Variants in VAV3 observed in about 807,000 individuals in gnomAD.
VAV3 encodes the protein vav guanine nucleotide exchange factor 3.
A neutral mutation model predicts 131.2 loss-of-function variants in VAV3; 94 were observed. The ratio of observed to expected loss-of-function variants is 0.72; its 90% CI spans 0.61 to 0.85. The LOEUF is 0.85. VAV3 is among the 40% of genes least tolerant of loss of function. The pLI, the probability that VAV3 is intolerant of heterozygous loss-of-function variation, is 0.00. For missense variants in VAV3, 939 were observed against 1,002.7 expected (o/e 0.94, Z 0.86); for synonymous variants, 349 against 342.0 (o/e 1.02, Z -0.22).
intron 1 of VAV3, among the ~76,000 whole-genome samples, chr1:107,889,057 C>T (rs1671182150): frequency 6.6e-6 from 1 of 151,888 alleles, no homozygotes; most frequent in East Asian, 1.9e-4. Flanking sequence ...TAAATTATCT[C>T]CTTATGGCCC....
At chr1:107,680,169 C>A (rs1034516711) in intron 19 of VAV3, among the ~76,000 whole-genome samples, 91 of 152,000 alleles carry the variant, frequency 6.0e-4, no homozygotes, top group African/African-American at 2.1e-3. Context: ...TATATGTTTT[C>A]AATATTGGGA....
At chr1:107,834,915 C>T (rs1017571252) in intron 2 of VAV3, among the ~76,000 whole-genome samples, 5 of 152,088 alleles carry the variant, frequency 3.3e-5, no homozygotes, top group African/African-American at 1.2e-4. Context: ...GATCCCATGA[C>T]CCCCACAGGC....
At chr1:107,960,183 C>T (rs1675016096) in intron 1 of VAV3, among the ~76,000 whole-genome samples, 1 of 152,154 alleles carries the variant, frequency 6.6e-6, no homozygotes, top group African/African-American at 2.4e-5. Flanking sequence ...AAAGGTAAAT[C>T]AGGGCTGGGC....
Position 107,645,563 on chromosome 1 carries a change from A to G in VAV3, c.1778-2808T>C, listed in dbSNP as rs1655676747. 2.0e-5 allele frequency among the ~76,000 whole-genome samples: 3 copies of G among 152,094 alleles called. 1 individual carries two copies. The highest frequency in any genetic ancestry group is 1.3e-4 in the Admixed American group (2 of 15,252). ...TGGTTGCTATCCAAAATGCCCTTTA[A>G]TATCTTTCCACTTATGAAAAAGGCA... On this transcript the variant is annotated intron_variant, in intron 19 of 26. Transcript: ENST00000370056.
rs1194882343 is a variant in VAV3, at chr1:107,748,914, A to T, written c.1502+54T>A. The T allele has an allele frequency of 3.9e-6, 5 of 1,280,086 alleles. No individual in the cohort carries two copies. In the South Asian group the frequency reaches 5.3e-5, roughly 14 times the overall value. The allele number at this position is 1,280,086 out of a possible 1,614,324, so 79.3% of individuals were successfully genotyped here. ...TACACTTATTGGTTGTTCATTATTC[A>T]TAAGTGATTTAACTAGTAAAAATAA... On this transcript the variant is annotated intron_variant, in intron 15 of 26. Transcript: ENST00000370056.
chr1:107,744,880 C>G (rs1443110584), intron 15 of VAV3, among the ~76,000 whole-genome samples: 1 of 152,200 alleles, frequency 6.6e-6, no homozygotes, highest in Non-Finnish European at 1.5e-5. Context: ...CTCAACTGTA[C>G]TGTAAATGAT....
intron 1 of VAV3, among the ~76,000 whole-genome samples, chr1:107,914,805 G>A (rs2101129473): frequency 6.6e-6 from 1 of 152,242 alleles, no homozygotes; most frequent in East Asian, 1.9e-4. Flanking sequence ...AGACAGAAAA[G>A]AAAAACAAGA....
intron 19 of VAV3, among the ~76,000 whole-genome samples, chr1:107,675,702 C>G (rs1224284881): frequency 1.3e-5 from 2 of 152,136 alleles, no homozygotes; most frequent in Non-Finnish European, 2.9e-5. Context: ...TCTGTCCCCA[C>G]AAAACATGCT....
At chr1:107,887,175 C>T (rs573243001) in intron 1 of VAV3, among the ~76,000 whole-genome samples, 15 of 152,332 alleles carry the variant, frequency 9.8e-5, no homozygotes, top group Admixed American at 6.5e-4. Flanking sequence ...ACCAATGCTC[C>T]GTCCAACCTG....
intron 15 of VAV3, among the ~76,000 whole-genome samples, chr1:107,709,391 A>G (rs1435691636): frequency 6.6e-6 from 1 of 152,216 alleles, no homozygotes; most frequent in Non-Finnish European, 1.5e-5. Flanking sequence ...TCAGATAGAA[A>G]GATGGAAGAA....
chr1:107,881,687 C>G (rs949002955), intron 1 of VAV3, among the ~76,000 whole-genome samples: 1 of 152,162 alleles, frequency 6.6e-6, no homozygotes, highest in Non-Finnish European at 1.5e-5. Flanking sequence ...ATGCACATAA[C>G]TTCCGAAGAA....
Position 107,785,266 on chromosome 1 carries a change from A to G in VAV3, c.322-5774T>C, listed in dbSNP as rs17229585. ...GTCCTGAGTTAAGAAAGGCACAGCCACAGTAACCAGAGGAAGCCATGAGAC... is the reference window on the plus strand; with the variant it reads ...GTCCTGAGTTAAGAAAGGCACAGCCGCAGTAACCAGAGGAAGCCATGAGAC... On this transcript the variant is annotated intron_variant, in intron 2 of 26. Transcript: ENST00000370056. Among the ~76,000 whole-genome samples, 1,281 of 152,314 alleles carry G rather than the reference A, an allele frequency of 8.4e-3. 9 individuals carry two copies. Among genetic ancestry groups the G allele is most frequent in the Non-Finnish European group, 0.012 (817 of 68,024 alleles).
At chr1:107,732,464 G>T (rs1662307866) in intron 15 of VAV3, among the ~76,000 whole-genome samples, 1 of 152,156 alleles carries the variant, frequency 6.6e-6, no homozygotes, top group South Asian at 2.1e-4. Context: ...CTAGCCAAGG[G>T]AAGCCGTGAC....
intron 12 of VAV3, among the ~76,000 whole-genome samples, chr1:107,751,677 G>GA (rs1439201931): frequency 6.6e-6 from 1 of 150,980 alleles, no homozygotes; most frequent in Non-Finnish European, 1.5e-5. Flanking sequence ...AAAGGGGCGG[G>GA]GGGGCGCGCG....
At chr1:107,714,384 A>C (rs1344356154) in intron 15 of VAV3, among the ~76,000 whole-genome samples, 2 of 152,158 alleles carry the variant, frequency 1.3e-5, no homozygotes. Context: ...AGCAATCTTT[A>C]AGTAAAGTCT....
chr1:107,630,508 A>G (rs114445374), intron 20 of VAV3, among the ~76,000 whole-genome samples: 4 of 152,300 alleles, frequency 2.6e-5, no homozygotes, highest in Non-Finnish European at 5.9e-5. Flanking sequence ...TAATCTATTT[A>G]AAGTCACACT....
At chr1:107,690,766 T>C (rs1180784948) in intron 17 of VAV3, among the ~76,000 whole-genome samples, 3 of 152,134 alleles carry the variant, frequency 2.0e-5, no homozygotes, top group African/African-American at 7.2e-5. Context: ...TCCAAGGGCA[T>C]GAGTCCTTTA....
intron 1 of VAV3, among the ~76,000 whole-genome samples, chr1:107,962,692 G>C (rs922543714): frequency 2.0e-5 from 3 of 152,162 alleles, no homozygotes; most frequent in African/African-American, 7.2e-5. Flanking sequence ...AGCCTTCTAG[G>C]ATTCACATTT....
chr1:107,915,303 C>T (rs1030914127), intron 1 of VAV3, among the ~76,000 whole-genome samples: 4 of 152,182 alleles, frequency 2.6e-5, no homozygotes, highest in East Asian at 1.9e-4. Flanking sequence ...GTAGTGGGCT[C>T]ATTTCCACAT....
Sources: allele counts gnomAD v4.1 joint callset (sites outside exome capture counted in the v4.1 genomes callset), GRCh38; gene constraint gnomAD v4.1.1; transcripts MANE v1.5; gene names NCBI Gene and HGNC (gene_info 2026-07-23, HGNC 2026-07-21).